UBAP2: variants seen among roughly 807,000 people sequenced by gnomAD.
UBAP2 encodes the protein ubiquitin-associated protein 2.
UBAP2 carries 75 observed loss-of-function variants against 139.6 expected under a neutral mutation model. The observed-to-expected ratio is 0.54, with a 90% CI of 0.45 to 0.65. UBAP2 has a LOEUF of 0.65. Ranked by LOEUF, UBAP2 falls within the 30% of genes least tolerant of loss-of-function variation. The probability of loss-of-function intolerance (pLI) is 0.00; values close to 1 mark genes in which losing one functional copy is unlikely to be tolerated. For missense variants in UBAP2, 1,368 were observed against 1,369.6 expected (o/e 1.00, Z 0.02); for synonymous variants, 526 against 526.2 (o/e 1.00, Z 0.01).
At chr9:33,943,634 C>G (rs1443098495) in intron 14 of UBAP2, 45 bp from the exon 15 acceptor site, 1 of 1,605,220 alleles carries the variant, frequency 6.2e-7, no homozygotes, top group East Asian at 2.2e-5. Context: ...GTCACAGATT[C>G]CAGGTCACAA....
At chr9:33,987,167 T>C (rs983790471) in intron 5 of UBAP2, among the ~76,000 whole-genome samples, 1 of 151,968 alleles carries the variant, frequency 6.6e-6, no homozygotes, top group Non-Finnish European at 1.5e-5. Flanking sequence ...TTCCAGCACT[T>C]TGGGAGGCTG....
chr9:34,025,413 C>G (rs1015272757), intron 1 of UBAP2, among the ~76,000 whole-genome samples: 3 of 152,162 alleles, frequency 2.0e-5, no homozygotes, highest in African/African-American at 7.2e-5. Context: ...ATCTCAAGTT[C>G]TTGAGGGGCA....
intron 10 of UBAP2, among the ~76,000 whole-genome samples, chr9:33,958,664 T>C (rs1826768212): frequency 7.1e-6 from 1 of 141,542 alleles, no homozygotes; most frequent in Non-Finnish European, 1.5e-5. Context: ...CACCGCAGCC[T>C]CCCAAAATGC....
At chr9:34,020,934 T>A (rs893561554) in intron 1 of UBAP2, among the ~76,000 whole-genome samples, 3 of 152,150 alleles carry the variant, frequency 2.0e-5, no homozygotes, top group Non-Finnish European at 4.4e-5. Context: ...AGTGGTGGGA[T>A]TACAGGACCC....
chr9:33,951,846 T>C (rs914287794), intron 12 of UBAP2, among the ~76,000 whole-genome samples: 2 of 152,102 alleles, frequency 1.3e-5, no homozygotes, highest in African/African-American at 4.8e-5. Flanking sequence ...AGCAAGGGCA[T>C]TACATAATTA....
intron 1 of UBAP2, among the ~76,000 whole-genome samples, chr9:34,043,538 C>T (rs1043188437): frequency 1.3e-5 from 2 of 151,718 alleles, no homozygotes; most frequent in Non-Finnish European, 2.9e-5. Context: ...GATAGGGTCT[C>T]ACTCTGTCAC....
chr9:33,979,553 C>T (rs919842480), intron 6 of UBAP2, among the ~76,000 whole-genome samples: 1 of 148,988 alleles, frequency 6.7e-6, no homozygotes. Flanking sequence ...CCAGCCAGGG[C>T]AACAAGAGAG....
At chr9:33,936,577 A>G (rs1224078300) in intron 16 of UBAP2, among the ~76,000 whole-genome samples, 1 of 152,156 alleles carries the variant, frequency 6.6e-6, no homozygotes, top group Non-Finnish European at 1.5e-5. Context: ...TACAGGTGTG[A>G]GCCACCATGT....
intron 2 of UBAP2, among the ~76,000 whole-genome samples, chr9:33,999,952 T>C (rs1025353495): frequency 1.3e-5 from 2 of 151,434 alleles, no homozygotes; most frequent in Non-Finnish European, 2.9e-5. Context: ...CTGGAGTATT[T>C]ATTTATTTAT....
intron 6 of UBAP2, 84 bp from the exon 7 acceptor site, chr9:33,973,321 C>T: frequency 7.1e-7 from 1 of 1,410,698 alleles, no homozygotes; most frequent in South Asian, 1.2e-5. Flanking sequence ...ATACTCACTA[C>T]CCAGACAATA....
At chr9:34,046,976 G>A (rs1183769661) in intron 1 of UBAP2, among the ~76,000 whole-genome samples, 1 of 152,130 alleles carries the variant, frequency 6.6e-6, no homozygotes, top group Non-Finnish European at 1.5e-5. Flanking sequence ...GCAACTCCAT[G>A]TGACTACTGC....
chr9:33,924,152 G>GGAGT, intron 23 of UBAP2, 54 bp downstream of exon 23: 1 of 1,603,216 alleles, frequency 6.2e-7, no homozygotes. Context: ...CCCAGCTCCT[G>GGAGT]GAGTTCGCGC....
intron 2 of UBAP2, among the ~76,000 whole-genome samples, chr9:33,999,865 T>C (rs904178306): frequency 1.4e-5 from 1 of 69,064 alleles, no homozygotes; most frequent in Non-Finnish European, 3.4e-5. Context: ...TATGTATGTA[T>C]GTATGTATGT....
intron 6 of UBAP2, among the ~76,000 whole-genome samples, chr9:33,985,383 C>G (rs766669383): frequency 6.6e-6 from 1 of 152,136 alleles, no homozygotes; most frequent in African/African-American, 2.4e-5. Context: ...AAGTGAAGCA[C>G]TATTCACAAT....
intron 6 of UBAP2, among the ~76,000 whole-genome samples, chr9:33,984,650 C>T (rs1821051355): frequency 6.6e-6 from 1 of 151,538 alleles, no homozygotes; most frequent in African/African-American, 2.4e-5. Context: ...TGCACTCCAG[C>T]CTGGGCAACA....
intron 8 of UBAP2, among the ~76,000 whole-genome samples, chr9:33,965,396 G>A (rs750589488): frequency 7.2e-5 from 11 of 152,154 alleles, no homozygotes; most frequent in East Asian, 3.9e-4. Flanking sequence ...CCAAGACTAC[G>A]TCTCATTCTA....
chr9:33,938,925 TA>T (rs1824837263), intron 16 of UBAP2: 1 of 455,456 alleles, frequency 2.2e-6, no homozygotes, highest in East Asian at 7.0e-5. Flanking sequence ...AAGGTAATTT[TA>T]ATCTGTGGAT....
chr9:33,970,728 G>A (rs1030776367), intron 8 of UBAP2, among the ~76,000 whole-genome samples: 10 of 152,078 alleles, frequency 6.6e-5, no homozygotes, highest in Admixed American at 6.6e-4. Context: ...ACTGCACCTG[G>A]CCTTGATAAT....
At chr9:33,932,819 A>C (rs1824112052) in intron 18 of UBAP2, among the ~76,000 whole-genome samples, 191 bp from the exon 19 acceptor site, 1 of 152,208 alleles carries the variant, frequency 6.6e-6, no homozygotes, top group African/African-American at 2.4e-5. Flanking sequence ...ATGACTCGCC[A>C]TGAGGTCTGG....
Sources: allele counts gnomAD v4.1 joint callset (sites outside exome capture counted in the v4.1 genomes callset), GRCh38; gene constraint gnomAD v4.1.1; transcripts MANE v1.5; gene names NCBI Gene and HGNC (gene_info 2026-07-23, HGNC 2026-07-21).